The following WDR27 variants were observed in gnomAD, a reference collection of about 807,000 sequenced individuals.
WDR27 encodes WD repeat domain 27, also known as WD repeat-containing protein 27.
In WDR27, 100 loss-of-function variants were observed where a neutral mutation model predicts 114.4. The ratio of observed to expected loss-of-function variants is 0.87; its 90% CI spans 0.74 to 1.03. WDR27 has a LOEUF of 1.03. Ranked by LOEUF, WDR27 falls within the 50% of genes least tolerant of loss-of-function variation. WDR27 has a pLI of 0.00. For synonymous variants in WDR27, 449 were observed against 423.1 expected, an observed-to-expected ratio of 1.06 and a Z score of -0.75; for missense variants, 1,129 against 1,092.9, an observed-to-expected ratio of 1.03 and a Z score of -0.47.
rs1026689267 is a variant in WDR27 at position 169,472,669 on chromosome 6, T to C, written c.2646-15035A>G. ...ATGTGAAAATTTCAGACTGAGTATA[T>C]AACTTACTCTTATTCCTATAAGTAA... is the stretch of plus-strand genomic sequence containing the variant. On this transcript the variant is annotated intron_variant, in intron 25 of 25. Coordinates refer to ENST00000448612, the MANE Select transcript of WDR27 (RefSeq NM_182552.5). Among the ~76,000 whole-genome samples, 3 of 152,356 alleles carry C rather than the reference T, an allele frequency of 2.0e-5. No individual in the cohort carries two copies. In the South Asian group the frequency reaches 6.2e-4, roughly 32 times the overall value.
downstream of WDR27, among the ~76,000 whole-genome samples, chr6:169,454,872 C>A (rs1461763752): frequency 6.6e-6 from 1 of 152,224 alleles, no homozygotes; most frequent in African/African-American, 2.4e-5. Flanking sequence ...TGCAGGTGGA[C>A]AGCACTTGTC....
intron 1 of WDR27, among the ~76,000 whole-genome samples, chr6:169,692,112 G>T (rs1784654973): frequency 6.6e-6 from 1 of 152,212 alleles, no homozygotes; most frequent in Admixed American, 6.5e-5. Flanking sequence ...CAATATCACA[G>T]GAGAAGGATG....
chr6:169,464,110 T>A (rs1785238980), intron 25 of WDR27, among the ~76,000 whole-genome samples: 1 of 152,224 alleles, frequency 6.6e-6, no homozygotes, highest in Non-Finnish European at 1.5e-5. Flanking sequence ...GGATTCACAC[T>A]TTCTGATTTC....
chr6:169,695,692 C>T (rs1785731272), intron 1 of WDR27, among the ~76,000 whole-genome samples: 1 of 152,208 alleles, frequency 6.6e-6, no homozygotes, highest in Non-Finnish European at 1.5e-5. Flanking sequence ...AAGATGTCTG[C>T]ATGCTAATCC....
the WDR27 span, among the ~76,000 whole-genome samples, chr6:169,440,493 CTG>C: frequency 6.6e-6 from 1 of 152,208 alleles, no homozygotes; most frequent in African/African-American, 2.4e-5. Flanking sequence ...GACATTCAAA[CTG>C]TGAAACTGCC....
At chr6:169,446,743 T>G in the WDR27 span, among the ~76,000 whole-genome samples, 1 of 152,206 alleles carries the variant, frequency 6.6e-6, no homozygotes, top group Non-Finnish European at 1.5e-5. Context: ...TATGAGTAAA[T>G]TGGCTACAAG....
At chr6:169,577,263 G>GGA (rs1409476435) in intron 24 of WDR27, among the ~76,000 whole-genome samples, 1 of 152,152 alleles carries the variant, frequency 6.6e-6, no homozygotes, top group Non-Finnish European at 1.5e-5. Context: ...AATGGGACGC[G>GGA]GAGGTGGTGG....
At chr6:169,632,098 G>C (rs1287676874) in intron 21 of WDR27, among the ~76,000 whole-genome samples, 4 of 149,528 alleles carry the variant, frequency 2.7e-5, no homozygotes, top group African/African-American at 9.9e-5. Context: ...TGAGGCAGGA[G>C]AATCGCTTGA....
chr6:169,662,257 T>G (rs1562858233), intron 9 of WDR27, 47 bp downstream of exon 9: 1 of 1,591,598 alleles, frequency 6.3e-7, no homozygotes, highest in East Asian at 2.3e-5. Context: ...TCTAAGGAAT[T>G]TAAGAGGTTT....
At chr6:169,694,039 G>A (rs571184662) in intron 1 of WDR27, among the ~76,000 whole-genome samples, 1 of 152,216 alleles carries the variant, frequency 6.6e-6, no homozygotes, top group Non-Finnish European at 1.5e-5. Flanking sequence ...GCCGGGCGCA[G>A]TGGCTCACAT....
At chr6:169,586,419 T>C (rs914796730) in intron 23 of WDR27, among the ~76,000 whole-genome samples, 9 of 134,082 alleles carry the variant, frequency 6.7e-5, no homozygotes, top group African/African-American at 2.0e-4. Context: ...TTGACAACCC[T>C]TTCCATAGGG....
chr6:169,689,952 G>A (rs1463785143), intron 1 of WDR27, among the ~76,000 whole-genome samples: 3 of 152,052 alleles, frequency 2.0e-5, no homozygotes, highest in East Asian at 1.9e-4. Context: ...CCACCCATGC[G>A]GCCCTCATGC....
At chr6:169,589,954 C>G (rs1338378901) in intron 23 of WDR27, among the ~76,000 whole-genome samples, 1 of 145,130 alleles carries the variant, frequency 6.9e-6, no homozygotes, top group African/African-American at 2.6e-5. Context: ...TATGCCAGAA[C>G]CAAATCAAGG....
chr6:169,574,032 T>C (rs1012696382), intron 24 of WDR27, among the ~76,000 whole-genome samples: 2 of 152,282 alleles, frequency 1.3e-5, no homozygotes, highest in Non-Finnish European at 2.9e-5. Context: ...ATGGCAAATA[T>C]ACCACTGTCC....
intron 25 of WDR27, among the ~76,000 whole-genome samples, chr6:169,494,512 G>T (rs1298350851): frequency 6.6e-6 from 1 of 151,996 alleles, no homozygotes; most frequent in East Asian, 1.9e-4. Context: ...TGTTAAAATG[G>T]CTGTGACATT....
chr6:169,668,444 G>A (rs2128290383), intron 4 of WDR27, among the ~76,000 whole-genome samples: 1 of 152,160 alleles, frequency 6.6e-6, no homozygotes, highest in East Asian at 1.9e-4. Context: ...AGAATGTACT[G>A]CTCTGCCTTC....
chr6:169,649,813 C>T (rs1821783791), intron 14 of WDR27, among the ~76,000 whole-genome samples: 1 of 146,734 alleles, frequency 6.8e-6, no homozygotes, highest in Admixed American at 6.8e-5. Flanking sequence ...CGCCATCCAT[C>T]CCTCACACAT....
At chr6:169,518,130 C>T (rs1471254655) in intron 25 of WDR27, among the ~76,000 whole-genome samples, 2 of 152,228 alleles carry the variant, frequency 1.3e-5, no homozygotes, top group African/African-American at 2.4e-5. Flanking sequence ...TGGCTGCTCT[C>T]ACAGGTTAGA....
At chr6:169,560,804 C>G (rs777730873) in intron 25 of WDR27, among the ~76,000 whole-genome samples, 2 of 152,106 alleles carry the variant, frequency 1.3e-5, no homozygotes, top group Non-Finnish European at 2.9e-5. Flanking sequence ...CACACACGCC[C>G]CTCACAGAGT....
Sources: allele counts gnomAD v4.1 joint callset (sites outside exome capture counted in the v4.1 genomes callset), GRCh38; gene constraint gnomAD v4.1.1; transcripts MANE v1.5; gene names NCBI Gene and HGNC (gene_info 2026-07-23, HGNC 2026-07-21).